The following CATSPERE variants were observed in gnomAD, a reference collection of about 807,000 sequenced individuals.
CATSPERE encodes the protein catsper channel auxiliary subunit epsilon, also known as cation channel sperm-associated auxiliary subunit epsilon.
In CATSPERE, 93 loss-of-function variants were observed where a neutral mutation model predicts 114.1. The ratio of observed to expected loss-of-function variants is 0.81; its 90% CI spans 0.69 to 0.97. The LOEUF (loss-of-function observed/expected upper bound fraction) is 0.97. Among genes scored for constraint, CATSPERE ranks in the 50% least tolerant of loss-of-function variants. The probability of loss-of-function intolerance (pLI) is 0.00; values close to 1 mark genes in which losing one functional copy is unlikely to be tolerated. For synonymous variants in CATSPERE, 341 were observed against 384.1 expected (o/e 0.89, Z 1.31); for missense variants, 1,058 against 1,131.6 (o/e 0.93, Z 0.93).
chr1:244,552,232 A>T (rs1660776211), intron 8 of CATSPERE, 90 bp from the exon 9 acceptor site: 1 of 1,461,382 alleles, frequency 6.8e-7, no homozygotes. Flanking sequence ...GATAAAAATT[A>T]AAAATGTTTT....
chr1:244,623,099 G>C (rs1173363553), intron 20 of CATSPERE, among the ~76,000 whole-genome samples: 4 of 104,054 alleles, frequency 3.8e-5, no homozygotes, highest in Non-Finnish European at 8.7e-5. Flanking sequence ...TTGAGACTGA[G>C]TCTTGCTCTG....
intron 5 of CATSPERE, among the ~76,000 whole-genome samples, chr1:244,483,124 A>G (rs1670507003): frequency 6.6e-6 from 1 of 152,206 alleles, no homozygotes; most frequent in Non-Finnish European, 1.5e-5. Flanking sequence ...TCCTGAATAT[A>G]CCTCATAGTA....
chr1:244,505,762 T>G (rs899143193), intron 7 of CATSPERE, among the ~76,000 whole-genome samples: 19 of 152,142 alleles, frequency 1.2e-4, no homozygotes, highest in Admixed American at 1.2e-3. Context: ...ATCCCAGCAC[T>G]TTGGGAGGCC....
intron 20 of CATSPERE, among the ~76,000 whole-genome samples, chr1:244,627,382 G>A (rs936032256): frequency 8.6e-5 from 13 of 151,986 alleles, no homozygotes; most frequent in African/African-American, 3.1e-4. Flanking sequence ...ACTCACCTGG[G>A]CAACACAGTG....
chr1:244,580,598 C>T (rs996733373), intron 11 of CATSPERE, among the ~76,000 whole-genome samples: 10 of 152,096 alleles, frequency 6.6e-5, no homozygotes, highest in South Asian at 6.2e-4. Context: ...TCACCATTCA[C>T]GTCAAAAAAA....
chr1:244,508,118 A>G (rs912632004), intron 7 of CATSPERE, among the ~76,000 whole-genome samples: 10 of 151,874 alleles, frequency 6.6e-5, no homozygotes, highest in African/African-American at 9.7e-5. Context: ...ATGTCTTTCC[A>G]TTTGTTTATG....
At chr1:244,544,156 C>A (rs3003240) in intron 8 of CATSPERE, among the ~76,000 whole-genome samples, 1 of 152,082 alleles carries the variant, frequency 6.6e-6, no homozygotes, top group Non-Finnish European at 1.5e-5. Flanking sequence ...TGGCTGCATC[C>A]TCTTCAGGAA....
chr1:244,572,696 CT>C lies in CATSPERE; in HGVS notation c.1876del (p.Tyr626MetfsTer25). 6.2e-7 allele frequency: 1 copy of C among 1,613,798 alleles called. No homozygotes were observed. Among genetic ancestry groups the C allele is most frequent in the Non-Finnish European group, 8.5e-7 (1 of 1,179,900 alleles). ...ACTGGTCTGTATGTTATTGTGGAAT[CT>C]TATGGCCCAAAAATATTACAAGAGA... ...ENTGLYVIVE[S>X]YGPKILQESH... On this transcript the variant is annotated frameshift_variant, in exon 11 of 22. Transcript: ENST00000366534. LOFTEE classifies it high-confidence loss of function.
rs865938164 is a variant in CATSPERE at position 244,581,847 on chromosome 1, G to T, written c.2002G>T (p.Glu668Ter). 7.7e-7 allele frequency: 1 copy of T among 1,302,012 alleles called. No homozygotes were observed. 80.7% of individuals were successfully genotyped at this position (1,302,012 alleles called of 1,614,324 possible). ...TTATGAGAGAATATCTGATTACTTT[G>T]AGACACAGTAAGTATAACTTTTAAA... ...VDYERISDYF[E>*]TQDKHTGLVL... Residue 668 changes from glutamate to a stop codon, truncating the protein, a stop_gained, in exon 12 of 22, where the codon GAG becomes TAG. Transcript: ENST00000366534. LOFTEE classifies it high-confidence loss of function.
rs561253418 is a variant in CATSPERE, at chr1:244,573,912, A to T, written c.1950+1140A>T. ...AGAATGCTTGTTCTTTGGTACTACA[A>T]GAAAAAAACAGCATTTAGACAAAAA... On this transcript the variant is annotated intron_variant, in intron 11 of 21. Transcript: ENST00000366534. The surrounding 1 kb of genome is among the most constrained non-coding windows in gnomAD (Gnocchi z 4.0). 2.6e-5 allele frequency among the ~76,000 whole-genome samples: 4 copies of T among 152,364 alleles called. No homozygotes were observed. The highest frequency in any genetic ancestry group is 2.6e-4 in the Admixed American group (4 of 15,306).
intron 6 of CATSPERE, among the ~76,000 whole-genome samples, chr1:244,498,783 A>T (rs1342457084): frequency 6.6e-6 from 1 of 152,164 alleles, no homozygotes; most frequent in African/African-American, 2.4e-5. Flanking sequence ...CTGTAATCCC[A>T]GCTACTCGGG....
At chr1:244,616,860 C>G (rs1253049640) in intron 19 of CATSPERE, among the ~76,000 whole-genome samples, 1 of 152,168 alleles carries the variant, frequency 6.6e-6, no homozygotes, top group Non-Finnish European at 1.5e-5. Flanking sequence ...TTCCTGTTTC[C>G]TTCAAATGAG....
intron 11 of CATSPERE, among the ~76,000 whole-genome samples, chr1:244,578,420 G>A (rs1665617702): frequency 6.6e-6 from 1 of 151,992 alleles, no homozygotes; most frequent in Non-Finnish European, 1.5e-5. Flanking sequence ...CAAAGTGCTG[G>A]GATTACAGGT....
intron 7 of CATSPERE, among the ~76,000 whole-genome samples, chr1:244,500,060 T>C (rs1286776122): frequency 6.6e-6 from 1 of 152,230 alleles, no homozygotes; most frequent in East Asian, 1.9e-4. Context: ...AGATAGTATC[T>C]CATTATGGAT....
At chr1:244,479,599 TCTG>T in intron 4 of CATSPERE, 115 bp from the exon 5 acceptor site, 1 of 467,304 alleles carries the variant, frequency 2.1e-6, no homozygotes, top group Non-Finnish European at 3.9e-6. Flanking sequence ...TGAACTTTAT[TCTG>T]CTTCCTCTGA....
chr1:244,545,315 T>G (rs1049633928), intron 8 of CATSPERE, among the ~76,000 whole-genome samples: 8 of 152,194 alleles, frequency 5.3e-5, no homozygotes, highest in African/African-American at 1.9e-4. Context: ...ATGGGCCTCT[T>G]TGGATTTTGG....
chr1:244,477,970 G>T lies in CATSPERE; in HGVS notation c.253G>T (p.Gly85Cys), dbSNP rs768178913. The part of the protein sequence containing the change: ...GVHAIKPIVT[G>C]PDEEERYLFV... ...TCACGCTATAAAACCAATTGTTACT[G>T]GCCCAGTAAGTTGTTTTAATGATAT... The change falls in exon 4 of 22, where the codon GGC becomes TGC. Residue 85 changes from glycine to cysteine, a missense_variant. Transcript: ENST00000366534. The T allele has an allele frequency of 6.3e-7, 1 of 1,590,986 alleles. No homozygotes were observed. The highest frequency in any genetic ancestry group is 8.6e-7 in the Non-Finnish European group (1 of 1,160,734).
intron 17 of CATSPERE, chr1:244,598,819 C>T (rs571640427): frequency 6.0e-6 from 1 of 166,318 alleles, no homozygotes; most frequent in African/African-American, 2.4e-5. Context: ...TTCTTTTCCC[C>T]ATCTCAACTT....
intron 2 of CATSPERE, among the ~76,000 whole-genome samples, chr1:244,465,318 G>A (rs914889150): frequency 6.6e-6 from 1 of 152,176 alleles, no homozygotes; most frequent in Non-Finnish European, 1.5e-5. Context: ...ACAGGCCTGA[G>A]CCACCGCGCC....
Sources: gnomAD v4.1 joint callset for allele counts (sites outside exome capture counted in the v4.1 genomes callset) on GRCh38, gnomAD v4.1.1 for gene constraint, Gnocchi (gnomAD v3.1) non-coding constraint, MANE v1.5 for transcripts, NCBI Gene and HGNC (gene_info 2026-07-23, HGNC 2026-07-21) for gene names.